AGBL1: variants seen among roughly 807,000 people sequenced by gnomAD.
The protein encoded by AGBL1 is AGBL carboxypeptidase 1, also known as cytosolic carboxypeptidase 4.
A neutral mutation model predicts 118.9 loss-of-function variants in AGBL1; 130 were observed. That is an observed-to-expected ratio of 1.09 (90% confidence interval 0.95 to 1.26). AGBL1 has a LOEUF of 1.26. Among genes scored for constraint, AGBL1 ranks in the 50% most tolerant of loss-of-function variants. The pLI is 0.00. For missense variants in AGBL1, 1,584 were observed against 1,298.1 expected (o/e 1.22, Z -3.38); for synonymous variants, 555 against 478.9 (o/e 1.16, Z -2.08).
chr15:86,669,272 A>G (rs1164050793), intron 21 of AGBL1, among the ~76,000 whole-genome samples: 1 of 152,178 alleles, frequency 6.6e-6, no homozygotes, highest in African/African-American at 2.4e-5. Flanking sequence ...GTTTTTCAGA[A>G]ATGGTTTTGA....
At chr15:86,556,116 A>G in intron 21 of AGBL1, 1 of 813,912 alleles carries the variant, frequency 1.2e-6, no homozygotes, top group Non-Finnish European at 2.0e-6. Context: ...TCACGTAAGT[A>G]TCAGTGCCAT....
At chr15:86,935,047 G>A (rs1163383127) in intron 23 of AGBL1, 1 of 152,142 alleles carries the variant, frequency 6.6e-6, no homozygotes, top group Admixed American at 6.5e-5. Flanking sequence ...TGCAGCTGGG[G>A]TCACCTTGGT....
intron 17 of AGBL1, among the ~76,000 whole-genome samples, chr15:86,376,978 C>G (rs1428009576): frequency 2.6e-5 from 4 of 152,310 alleles, no homozygotes; most frequent in Admixed American, 2.6e-4. Context: ...ATTATAGGGA[C>G]TCTACCAAGC....
intron 17 of AGBL1, among the ~76,000 whole-genome samples, chr15:86,340,260 T>C (rs1031741990): frequency 1.3e-5 from 2 of 151,126 alleles, no homozygotes; most frequent in Non-Finnish European, 3.0e-5. Flanking sequence ...CCTTCTGTTT[T>C]AGCTAGTGTA....
At chr15:86,656,061 G>A (rs1225937031) in intron 21 of AGBL1, among the ~76,000 whole-genome samples, 5 of 152,174 alleles carry the variant, frequency 3.3e-5, no homozygotes, top group African/African-American at 1.2e-4. Flanking sequence ...GGAGCATGAA[G>A]CATGCTTCCA....
intron 17 of AGBL1, among the ~76,000 whole-genome samples, chr15:86,297,698 T>A (rs1418728557): frequency 6.6e-6 from 1 of 152,198 alleles, no homozygotes; most frequent in Non-Finnish European, 1.5e-5. Context: ...AGCTGATTGG[T>A]ATCTTTCATC....
rs2078949735 is a variant in AGBL1 at position 86,259,537 on chromosome 15, C to G, written c.969+1506C>G. Among the ~76,000 whole-genome samples the G allele has an allele frequency of 2.0e-5, 3 of 152,310 alleles. No individual in the cohort carries two copies. In the South Asian group the frequency reaches 6.2e-4, roughly 32 times the overall value. On this transcript the variant is annotated intron_variant, in intron 9 of 22. Transcript: ENST00000614907. The stretch of plus-strand genomic sequence containing the variant: ...AGAAAGAGGCTTTTGAGTTCTCTGT[C>G]ATGATAATCACTCACCCTGCTGATG...
intron 5 of AGBL1, among the ~76,000 whole-genome samples, chr15:86,210,149 C>T (rs949917044): frequency 6.6e-6 from 1 of 152,214 alleles, no homozygotes. Flanking sequence ...GGCCTCCACT[C>T]TCTTCTGGCT....
chr15:86,507,718 T>C (rs1033652135), intron 18 of AGBL1, among the ~76,000 whole-genome samples: 5 of 152,108 alleles, frequency 3.3e-5, no homozygotes, highest in Non-Finnish European at 5.9e-5. Flanking sequence ...CCAGGTAGAA[T>C]GAAAGCAGTT....
intron 22 of AGBL1, among the ~76,000 whole-genome samples, chr15:86,819,023 G>T (rs2078902611): frequency 6.6e-6 from 1 of 152,020 alleles, no homozygotes; most frequent in South Asian, 2.1e-4. Context: ...TGTTGTTTAT[G>T]CCTTTACCAT....
chr15:86,442,038 A>C (rs1272299137), intron 18 of AGBL1, among the ~76,000 whole-genome samples: 2 of 152,238 alleles, frequency 1.3e-5, no homozygotes, highest in Non-Finnish European at 2.9e-5. Context: ...TTACGAGCCC[A>C]ATACCCTCAG....
intron 19 of AGBL1, among the ~76,000 whole-genome samples, chr15:86,536,159 AT>A (rs1292279564): frequency 2.0e-5 from 3 of 152,144 alleles, no homozygotes; most frequent in Non-Finnish European, 4.4e-5. Context: ...TTTTGTGTAT[AT>A]TTTTACTGAC....
At chr15:86,541,980 AG>A (rs777280614) in intron 19 of AGBL1, among the ~76,000 whole-genome samples, 7 of 152,336 alleles carry the variant, frequency 4.6e-5, no homozygotes, top group East Asian at 1.9e-4. Flanking sequence ...TATTCTAATA[AG>A]GGCAGAAATT....
chr15:86,845,358 A>G (rs1596544405), intron 22 of AGBL1, among the ~76,000 whole-genome samples: 1 of 152,096 alleles, frequency 6.6e-6, no homozygotes, highest in Non-Finnish European at 1.5e-5. Context: ...CCTTTATACT[A>G]TGCACTGTAC....
intron 18 of AGBL1, among the ~76,000 whole-genome samples, chr15:86,409,465 C>T (rs1228094561): frequency 6.6e-6 from 1 of 152,154 alleles, no homozygotes; most frequent in African/African-American, 2.4e-5. Context: ...ACCCCATTCC[C>T]ACCATCGCCT....
chr15:86,504,068 C>A (rs1172323498), intron 18 of AGBL1, among the ~76,000 whole-genome samples: 5 of 151,620 alleles, frequency 3.3e-5, no homozygotes, highest in Admixed American at 6.6e-5. Flanking sequence ...TACTTCATTT[C>A]TTTTAGTTAT....
intron 24 of AGBL1, among the ~76,000 whole-genome samples, chr15:87,009,957 C>T (rs989747104): frequency 2.6e-5 from 4 of 152,142 alleles, no homozygotes; most frequent in Non-Finnish European, 5.9e-5. Context: ...GCAGAAGGGA[C>T]TTGCCTTGTC....
rs79946702 is a variant in AGBL1, at chr15:86,525,417, C to G, written c.2685+2478C>G. 5.3e-4 allele frequency among the ~76,000 whole-genome samples: 80 copies of G among 151,918 alleles called. 1 individual carries two copies. Among genetic ancestry groups the G allele is most frequent in the Admixed American group, 4.5e-3 (69 of 15,266 alleles). ...AACAATCCTAAAATTTATATGGAAC[C>G]AAAAAATAGCTGAAACCTTAGCAAA... On this transcript the variant is annotated intron_variant, in intron 19 of 22. Coordinates refer to ENST00000614907, the MANE Select transcript of AGBL1 (RefSeq NM_001386094.1).
intron 19 of AGBL1, among the ~76,000 whole-genome samples, chr15:86,534,565 A>T (rs1209608005): frequency 6.6e-6 from 1 of 152,168 alleles, no homozygotes; most frequent in East Asian, 1.9e-4. Flanking sequence ...TTGTGACTCC[A>T]TTCCCATTTT....
Sources: allele counts gnomAD v4.1 joint callset (sites outside exome capture counted in the v4.1 genomes callset), GRCh38; gene constraint gnomAD v4.1.1; transcripts MANE v1.5; gene names NCBI Gene and HGNC (gene_info 2026-07-23, HGNC 2026-07-21).